The following SLC30A9 variants were observed in gnomAD, a reference collection of about 807,000 sequenced individuals.
SLC30A9 encodes proton-coupled zinc antiporter SLC30A9, mitochondrial.
Under a neutral mutation model 87.5 loss-of-function variants are expected in SLC30A9, and 58 were observed. The ratio of observed to expected loss-of-function variants is 0.66; its 90% CI spans 0.54 to 0.82. SLC30A9 has a LOEUF of 0.82. SLC30A9 is among the 40% of genes least tolerant of loss of function. The probability of loss-of-function intolerance (pLI) is 0.00; values close to 1 mark genes in which losing one functional copy is unlikely to be tolerated. For missense variants in SLC30A9, 557 were observed against 679.1 expected, an observed-to-expected ratio of 0.82 and a Z score of 2.00; for synonymous variants, 234 against 233.0, an observed-to-expected ratio of 1.00 and a Z score of -0.04.
chr4:42,029,471 C>A, intron 6 of SLC30A9: 1 of 657,182 alleles, frequency 1.5e-6, no homozygotes, highest in Non-Finnish European at 2.9e-6. Context: ...ATCCAGCAGA[C>A]TGAAATTGCC....
At chr4:42,078,355 G>GAAAAAAA (rs2153141267) in intron 17 of SLC30A9, 30 bp downstream of exon 17, 1 of 1,142,432 alleles carries the variant, frequency 8.8e-7, no homozygotes, top group African/African-American at 1.6e-5. Flanking sequence ...ATAACATAAT[G>GAAAAAAA]ATAATGGCAG....
intron 11 of SLC30A9, among the ~76,000 whole-genome samples, chr4:42,063,355 T>C (rs1312233794): frequency 6.6e-6 from 1 of 152,216 alleles, no homozygotes; most frequent in African/African-American, 2.4e-5. Flanking sequence ...TATCAAGCCC[T>C]GCTCCTTGGT....
intron 7 of SLC30A9, among the ~76,000 whole-genome samples, 186 bp from the exon 8 acceptor site, chr4:42,038,800 A>G (rs547232327): frequency 6.6e-6 from 1 of 152,364 alleles, no homozygotes; most frequent in African/African-American, 2.4e-5. Context: ...GTTTCTGGAA[A>G]GAGACCCAGA....
At chr4:42,024,676 A>G (rs1716111654) in intron 6 of SLC30A9, among the ~76,000 whole-genome samples, 3 of 152,304 alleles carry the variant, frequency 2.0e-5, no homozygotes, top group East Asian at 1.9e-4. Flanking sequence ...TTACATTTAC[A>G]ATCACAGTGT....
At chr4:42,052,018 TATATC>T (rs1717401950) in intron 9 of SLC30A9, among the ~76,000 whole-genome samples, 1 of 150,510 alleles carries the variant, frequency 6.6e-6, no homozygotes, top group Non-Finnish European at 1.5e-5. Flanking sequence ...AAAATGATAT[TATATC>T]ATAAGTGAGT....
chr4:42,072,688 T>C (rs956709423), intron 15 of SLC30A9, among the ~76,000 whole-genome samples: 3 of 152,204 alleles, frequency 2.0e-5, no homozygotes, highest in Admixed American at 6.5e-5. Context: ...ATAATATTCA[T>C]GTGCACTTGA....
intron 1 of SLC30A9, among the ~76,000 whole-genome samples, chr4:41,997,067 T>TAA (rs1308934071): frequency 1.5e-5 from 1 of 67,350 alleles, no homozygotes; most frequent in African/African-American, 3.2e-5. Context: ...TAAATAAAAA[T>TAA]GAAAAAGAAA....
intron 1 of SLC30A9, among the ~76,000 whole-genome samples, chr4:41,993,858 A>T (rs57504228): frequency 9.8e-4 from 149 of 152,228 alleles, no homozygotes; most frequent in African/African-American, 2.5e-3. Flanking sequence ...CCATTTTTTT[A>T]AAAAATTATA....
chr4:42,003,097 T>C (rs987294583), intron 2 of SLC30A9, among the ~76,000 whole-genome samples: 2 of 152,202 alleles, frequency 1.3e-5, no homozygotes, highest in African/African-American at 4.8e-5. Context: ...GATTCTTCTA[T>C]GACTTTTTAG....
intron 6 of SLC30A9, chr4:42,029,621 G>A (rs1009907247): frequency 1.5e-5 from 11 of 709,932 alleles, no homozygotes; most frequent in African/African-American, 9.3e-5. Context: ...CCCAAAGAAC[G>A]AGGAGACTTT....
chr4:42,068,692 T>C (rs185473661), intron 14 of SLC30A9, among the ~76,000 whole-genome samples: 238 of 152,380 alleles, frequency 1.6e-3, no homozygotes, highest in African/African-American at 5.3e-3. Context: ...CATTTGTCTT[T>C]TTCCACACTT....
At chr4:42,030,135 A>G (rs1354393581) in intron 6 of SLC30A9, 3 of 892,992 alleles carry the variant, frequency 3.4e-6, no homozygotes, top group African/African-American at 3.4e-5. Context: ...CACAAGCACA[A>G]ATCTTTCCCG....
At chr4:42,066,954 A>G (rs1718104150) in intron 13 of SLC30A9, 131 bp from the exon 14 acceptor site, 2 of 595,482 alleles carry the variant, frequency 3.4e-6, no homozygotes, top group Non-Finnish European at 5.8e-6. Context: ...TTTTAAAATC[A>G]TAATCTCTCA....
At chr4:42,061,857 G>A (rs931144274) in intron 10 of SLC30A9, among the ~76,000 whole-genome samples, 9 of 150,900 alleles carry the variant, frequency 6.0e-5, no homozygotes, top group African/African-American at 2.2e-4. Context: ...CCAAGATCAC[G>A]CCATTGCACT....
intron 9 of SLC30A9, among the ~76,000 whole-genome samples, chr4:42,053,330 G>C (rs1444599159): frequency 6.6e-6 from 1 of 152,084 alleles, no homozygotes; most frequent in African/African-American, 2.4e-5. Flanking sequence ...CTTATCCTGT[G>C]ACCCACCAAT....
intron 8 of SLC30A9, among the ~76,000 whole-genome samples, chr4:42,042,608 G>A (rs1251615997): frequency 9.2e-5 from 14 of 152,150 alleles, no homozygotes; most frequent in Non-Finnish European, 1.5e-5. Flanking sequence ...TCATCTCTCT[G>A]GGACAGAAAA....
At chr4:42,039,323 T>C (rs1716818599) in intron 8 of SLC30A9, among the ~76,000 whole-genome samples, 1 of 152,188 alleles carries the variant, frequency 6.6e-6, no homozygotes, top group Non-Finnish European at 1.5e-5. Flanking sequence ...CTTGTTTTTA[T>C]TGGAGTTGAT....
At chr4:41,994,143 G>T (rs761079299) in intron 1 of SLC30A9, among the ~76,000 whole-genome samples, 1 of 146,298 alleles carries the variant, frequency 6.8e-6, no homozygotes, top group African/African-American at 2.5e-5. Context: ...GGCGACGAGC[G>T]AAACTCCATC....
chr4:42,075,847 C>T (rs1718526810), intron 16 of SLC30A9, 61 bp downstream of exon 16: 1 of 1,524,600 alleles, frequency 6.6e-7, no homozygotes, highest in Non-Finnish European at 8.8e-7. Context: ...TTAAGGTAAA[C>T]AAAATGAAAT....
Sources: gnomAD v4.1 joint callset for allele counts (sites outside exome capture counted in the v4.1 genomes callset) on GRCh38, gnomAD v4.1.1 for gene constraint, MANE v1.5 for transcripts, NCBI Gene and HGNC (gene_info 2026-07-23, HGNC 2026-07-21) for gene names.